PKN2: variants seen among roughly 807,000 people sequenced by gnomAD.
PKN2 encodes protein kinase N2.
In PKN2, 38 loss-of-function variants were observed where a neutral mutation model predicts 119.1. That is an observed-to-expected ratio of 0.32 (90% CI 0.25 to 0.42). The LOEUF (loss-of-function observed/expected upper bound fraction) is 0.42. Among genes scored for constraint, PKN2 ranks in the 10% least tolerant of loss-of-function variants. The pLI, the probability that PKN2 is intolerant of heterozygous loss-of-function variation, is 1.00. For missense variants in PKN2, 850 were observed against 1,165.1 expected (o/e 0.73, Z 3.94); for synonymous variants, 390 against 384.9 (o/e 1.01, Z -0.15).
intron 17 of PKN2, among the ~76,000 whole-genome samples, chr1:88,823,956 C>A (rs904958984): frequency 4.2e-5 from 6 of 143,426 alleles, no homozygotes; most frequent in African/African-American, 1.0e-4. Flanking sequence ...TTGCAGTGAG[C>A]TGAGACCACG....
intron 1 of PKN2, among the ~76,000 whole-genome samples, chr1:88,703,283 CAT>C: frequency 6.6e-6 from 1 of 152,094 alleles, no homozygotes; most frequent in South Asian, 2.1e-4. Flanking sequence ...GGTAAATTTT[CAT>C]ATGTTACAAT....
In PKN2 at chr1:88,833,069, T is replaced by G; in HGVS notation, c.2671-8T>G. The stretch of plus-strand genomic sequence containing the variant: ...TTATTTTAACTTTTTTATTTTACAT[T>G]ATGCTAGCTGTTAAGAAGAAATCCT... On this transcript the variant is annotated splice_region_variant and splice_polypyrimidine_tract_variant and intron_variant, in intron 20 of 21. Coordinates refer to ENST00000370521, the MANE Select transcript of PKN2 (RefSeq NM_006256.4). The G allele has an allele frequency of 6.2e-7, 1 of 1,600,520 alleles. No homozygotes were observed. The highest frequency in any genetic ancestry group is 1.3e-5 in the African/African-American group (1 of 74,208).
At chr1:88,730,365 GC>G (rs34093029) in intron 1 of PKN2, among the ~76,000 whole-genome samples, 2 of 152,164 alleles carry the variant, frequency 1.3e-5, no homozygotes, top group African/African-American at 4.8e-5. Flanking sequence ...GTATAGCAGT[GC>G]CCAGTAAGGC....
At chr1:88,786,239 A>G (rs764498785) in intron 8 of PKN2, 26 bp downstream of exon 8, 2 of 1,113,762 alleles carry the variant, frequency 1.8e-6, no homozygotes, top group Admixed American at 3.9e-5. Context: ...TTTTACTTGA[A>G]TTTTAATTAT....
chr1:88,762,615 A>G (rs1669493360), intron 3 of PKN2, among the ~76,000 whole-genome samples: 1 of 152,196 alleles, frequency 6.6e-6, no homozygotes. Context: ...GCCTTATTAC[A>G]TAGCAGGTAC....
chr1:88,755,153 G>A (rs1347846421), intron 2 of PKN2, among the ~76,000 whole-genome samples: 3 of 152,042 alleles, frequency 2.0e-5, no homozygotes, highest in African/African-American at 7.2e-5. Context: ...TTTTTTGAAT[G>A]GTGAGAGTAT....
At chr1:88,749,445 C>A (rs1429023334) in intron 2 of PKN2, among the ~76,000 whole-genome samples, 2 of 150,986 alleles carry the variant, frequency 1.3e-5, no homozygotes, top group East Asian at 3.9e-4. Context: ...ACAGTGTTAA[C>A]CCTGCCTATT....
At chr1:88,822,417 A>G (rs940168100) in intron 17 of PKN2, among the ~76,000 whole-genome samples, 1 of 152,148 alleles carries the variant, frequency 6.6e-6, no homozygotes, top group Non-Finnish European at 1.5e-5. Flanking sequence ...CTTATTGTCA[A>G]CTGAACTAAA....
chr1:88,691,035 A>G (rs1017093717), intron 1 of PKN2, among the ~76,000 whole-genome samples: 2 of 152,162 alleles, frequency 1.3e-5, no homozygotes, highest in South Asian at 2.1e-4. Context: ...ACCACACAAT[A>G]CATGTGCTGA....
chr1:88,690,491 A>T (rs935139054), intron 1 of PKN2, among the ~76,000 whole-genome samples: 4 of 152,212 alleles, frequency 2.6e-5, no homozygotes, highest in African/African-American at 7.2e-5. Flanking sequence ...TCAACTTTTG[A>T]TATACAGCAG....
chr1:88,817,723 G>A (rs200709656), intron 16 of PKN2, among the ~76,000 whole-genome samples: 12 of 137,494 alleles, frequency 8.7e-5, no homozygotes, highest in Admixed American at 7.4e-5. Context: ...AAAAAAAAAA[G>A]AAAAGAAAAG....
intron 18 of PKN2, among the ~76,000 whole-genome samples, chr1:88,827,569 AT>A (rs1475848276): frequency 2.6e-5 from 4 of 151,346 alleles, no homozygotes; most frequent in Non-Finnish European, 4.4e-5. Flanking sequence ...TAGATTTTGG[AT>A]TTTTGGATTA....
At chr1:88,714,461 G>A (rs1471669242) in intron 1 of PKN2, among the ~76,000 whole-genome samples, 2 of 152,136 alleles carry the variant, frequency 1.3e-5, no homozygotes, top group Admixed American at 6.5e-5. Context: ...ATTTTGTTGA[G>A]CAGTGGTTTG....
chr1:88,812,208 G>C (rs113938837), intron 15 of PKN2, among the ~76,000 whole-genome samples: 1 of 152,128 alleles, frequency 6.6e-6, no homozygotes, highest in Non-Finnish European at 1.5e-5. Context: ...AAAGAGCCTT[G>C]CTCCTTTATC....
intron 1 of PKN2, among the ~76,000 whole-genome samples, chr1:88,706,080 A>C (rs1334504920): frequency 1.3e-5 from 2 of 151,756 alleles, no homozygotes; most frequent in African/African-American, 4.9e-5. Flanking sequence ...TTAAGAGGAG[A>C]ACTGACTTCC....
intron 1 of PKN2, among the ~76,000 whole-genome samples, chr1:88,710,542 A>G (rs1191551153): frequency 2.0e-5 from 3 of 152,220 alleles, no homozygotes; most frequent in Non-Finnish European, 2.9e-5. Context: ...GTCACAAACC[A>G]GTTTTCTAAA....
chr1:88,707,355 T>G (rs1667044119), intron 1 of PKN2, among the ~76,000 whole-genome samples: 1 of 152,122 alleles, frequency 6.6e-6, no homozygotes, highest in African/African-American at 2.4e-5. Context: ...ATTTAATTCT[T>G]TTCCATATTT....
chr1:88,807,187 C>T (rs1671580556), intron 12 of PKN2, 126 bp from the exon 13 acceptor site: 4 of 753,682 alleles, frequency 5.3e-6, no homozygotes, highest in Non-Finnish European at 8.2e-6. Flanking sequence ...GAATGAGTAT[C>T]TGAATTTTAC....
In PKN2 at chr1:88,753,046, A is replaced by G. The variant is rs17099898; in HGVS notation, c.350-7176A>G. 9.2e-3 allele frequency among the ~76,000 whole-genome samples: 1,401 copies of G among 152,292 alleles called. 26 individuals carry two copies. The highest frequency in any genetic ancestry group is 0.032 in the African/African-American group (1,331 of 41,570). On this transcript the variant is annotated intron_variant, in intron 2 of 21. Coordinates refer to ENST00000370521, the MANE Select transcript of PKN2 (RefSeq NM_006256.4). ...GGAAATTGATTCATTTAGATAGTACATCATGCATACTTATCAAAGGCAGTA... is the reference window on the plus strand; with the variant it reads ...GGAAATTGATTCATTTAGATAGTACGTCATGCATACTTATCAAAGGCAGTA...
Sources: gnomAD v4.1 joint callset for allele counts (sites outside exome capture counted in the v4.1 genomes callset) on GRCh38, gnomAD v4.1.1 for gene constraint, MANE v1.5 for transcripts, NCBI Gene and HGNC (gene_info 2026-07-23, HGNC 2026-07-21) for gene names.